The following KCTD9 variants were observed in gnomAD, a reference collection of about 807,000 sequenced individuals.
KCTD9 encodes the protein BTB/POZ domain-containing protein KCTD9.
In KCTD9, 17 loss-of-function variants were observed where a neutral mutation model predicts 53.3. The ratio of observed to expected loss-of-function variants is 0.32; its 90% CI spans 0.22 to 0.48. The LOEUF is 0.48. Among genes scored for constraint, KCTD9 ranks in the 20% least tolerant of loss-of-function variants. The pLI is 0.99. For synonymous variants in KCTD9, 128 were observed against 162.7 expected, an observed-to-expected ratio of 0.79 and a Z score of 1.62; for missense variants, 179 against 465.5, an observed-to-expected ratio of 0.38 and a Z score of 5.66.
intron 6 of KCTD9, among the ~76,000 whole-genome samples, chr8:25,437,926 T>C (rs1802050179): frequency 6.6e-6 from 1 of 151,308 alleles, no homozygotes; most frequent in Non-Finnish European, 1.5e-5. Context: ...TTTTTGGTGT[T>C]AGTGAAATTA....
chr8:25,433,628 ATTTT>A (rs1007757590), intron 9 of KCTD9, among the ~76,000 whole-genome samples, 193 bp from the exon 10 acceptor site: 27 of 152,288 alleles, frequency 1.8e-4, no homozygotes, highest in African/African-American at 6.3e-4. Context: ...TGAAAGAAAA[ATTTT>A]TTTAAAGAAC....
At chr8:25,438,347 T>C (rs755467588) in intron 6 of KCTD9, among the ~76,000 whole-genome samples, 76 of 150,750 alleles carry the variant, frequency 5.0e-4, no homozygotes, top group Non-Finnish European at 6.9e-4. Context: ...CAAGGGAATA[T>C]AAAGTTTGTT....
chr8:25,445,336 T>C (rs1802196449), intron 2 of KCTD9, among the ~76,000 whole-genome samples: 1 of 152,162 alleles, frequency 6.6e-6, no homozygotes, highest in South Asian at 2.1e-4. Context: ...TAGAACTGAT[T>C]AACTGCAAAG....
chr8:25,438,897 C>T (rs1341178290), intron 6 of KCTD9, among the ~76,000 whole-genome samples: 1 of 152,206 alleles, frequency 6.6e-6, no homozygotes, highest in Non-Finnish European at 1.5e-5. Context: ...CTCTAGTTCT[C>T]ACATAATGTG....
At chr8:25,452,545 C>T (rs532704794) in intron 1 of KCTD9, among the ~76,000 whole-genome samples, 4 of 152,308 alleles carry the variant, frequency 2.6e-5, no homozygotes, top group African/African-American at 9.6e-5. Flanking sequence ...CCACCCCAGA[C>T]CTACTGAATA....
Position 25,429,784 on chromosome 8 carries a change from G to A in KCTD9, c.*73C>T. On this transcript the variant is annotated 3_prime_UTR_variant, in exon 12 of 12. Coordinates refer to ENST00000221200, the MANE Select transcript of KCTD9 (RefSeq NM_017634.4). The stretch of plus-strand genomic sequence containing the variant: ...ACAGTGTTATTTCTTCTAGACAACT[G>A]AGTGGGTGGAGAAAGAAAAGTGATA... The A allele has an allele frequency of 1.3e-6, 1 of 775,064 alleles. No individual in the cohort carries two copies. The highest frequency in any genetic ancestry group is 2.3e-6 in the Non-Finnish European group (1 of 430,276). 48.0% of individuals were successfully genotyped at this position (775,064 alleles called of 1,614,324 possible).
At chr8:25,458,141 G>C (rs1802510052) in intron 1 of KCTD9, 58 bp downstream of exon 1, 2 of 1,476,874 alleles carry the variant, frequency 1.4e-6, no homozygotes, top group East Asian at 4.8e-5. Flanking sequence ...AGCCGGTTCC[G>C]CACCGTCCGC....
chr8:25,457,357 T>C (rs930384557), intron 1 of KCTD9: 10 of 985,030 alleles, frequency 1.0e-5, no homozygotes, highest in Non-Finnish European at 1.1e-5. Flanking sequence ...GCAATAAATG[T>C]CTGCCTCGAA....
chr8:25,449,317 C>G (rs1332617117), intron 1 of KCTD9, among the ~76,000 whole-genome samples: 2 of 152,180 alleles, frequency 1.3e-5, no homozygotes, highest in African/African-American at 4.8e-5. Context: ...TTACCTCTGG[C>G]TCTTACATCT....
rs1801960697 is a variant in KCTD9 at position 25,433,223 on chromosome 8, T to C, written c.919+107A>G. The C allele has an allele frequency of 9.7e-6, 5 of 513,234 alleles. No individual in the cohort carries two copies. The South Asian group carries it at 1.7e-4, about 18-fold the overall frequency. 31.8% of individuals were successfully genotyped at this position (513,234 alleles called of 1,614,324 possible). On this transcript the variant is annotated intron_variant, in intron 10 of 11. Coordinates refer to ENST00000221200, the MANE Select transcript of KCTD9 (RefSeq NM_017634.4). ...TCCAAATATGATGACAGAAGAAACCTATCCCCTACAGCTATCCTGTTTCAC... is the reference window on the plus strand; with the variant it reads ...TCCAAATATGATGACAGAAGAAACCCATCCCCTACAGCTATCCTGTTTCAC...
At chr8:25,440,063 T>TG (rs1297652891) in intron 4 of KCTD9, among the ~76,000 whole-genome samples, 3 of 150,320 alleles carry the variant, frequency 2.0e-5, no homozygotes, top group East Asian at 3.9e-4. Flanking sequence ...AAGCATGTTT[T>TG]TTTTTTTTTT....
chr8:25,440,306 C>T (rs1802096790), intron 4 of KCTD9, among the ~76,000 whole-genome samples: 1 of 151,994 alleles, frequency 6.6e-6, no homozygotes, highest in African/African-American at 2.4e-5. Context: ...GATCCGCCCG[C>T]CTCGGCCTCC....
chr8:25,445,927 T>A (rs73220072), intron 2 of KCTD9, among the ~76,000 whole-genome samples: 14,563 of 151,894 alleles, frequency 0.096, 717 homozygotes, highest in African/African-American at 0.11. Context: ...AGACTATCAG[T>A]ATACTGAAAT....
chr8:25,457,418 G>A lies in KCTD9; in HGVS notation c.48+781C>T, dbSNP rs973839346. 26 of 975,820 alleles carry A rather than the reference G, an allele frequency of 2.7e-5. No homozygotes were observed. In the African/African-American group the frequency reaches 4.2e-4, roughly 16 times the overall value. The allele number at this position is 975,820 out of a possible 1,614,324, so 60.4% of individuals were successfully genotyped here. On this transcript the variant is annotated intron_variant, in intron 1 of 11. Transcript: ENST00000221200. ...AACAACTTTCATGGGTGGGGCAAAA[G>A]GCTGGGAAGGAAGAGAATTCGTTTT...
In KCTD9 at chr8:25,439,532, A is replaced by C; in HGVS notation, c.370+74T>G. On this transcript the variant is annotated intron_variant, in intron 5 of 11. Transcript: ENST00000221200. Reference sequence around the variant, plus strand: ...AACTGACATAATTAGTAAGTACAGAAGGTCAGGAGTTATAAAGTCAGCACA... The same window carrying C: ...AACTGACATAATTAGTAAGTACAGACGGTCAGGAGTTATAAAGTCAGCACA... 1.9e-6 allele frequency: 3 copies of C among 1,581,212 alleles called. No individual in the cohort carries two copies. In the South Asian group the frequency reaches 3.4e-5, roughly 18 times the overall value.
intron 11 of KCTD9, 103 bp from the exon 12 acceptor site, chr8:25,430,076 T>C (rs1043487048): frequency 2.7e-6 from 2 of 735,150 alleles, no homozygotes; most frequent in Admixed American, 2.0e-5. Context: ...AATGTTCTTA[T>C]ACAATAAAAC....
intron 1 of KCTD9, among the ~76,000 whole-genome samples, chr8:25,449,308 T>TA (rs1452947224): frequency 1.3e-5 from 2 of 152,220 alleles, no homozygotes; most frequent in East Asian, 3.9e-4. Context: ...CCCTCTTATT[T>TA]ACCTCTGGCT....
At position 25,439,383 on chromosome 8, in the gene KCTD9, T is replaced by C. The variant is rs766305809; in HGVS notation, c.395A>G (p.His132Arg). The C allele has an allele frequency of 4.3e-6, 7 of 1,612,354 alleles. No homozygotes were observed. The highest frequency in any genetic ancestry group is 8.5e-7 in the Non-Finnish European group (1 of 1,179,434). The change falls in exon 6 of 12, where the codon CAT becomes CGT. Residue 132 changes from histidine (H) to arginine (R), a missense_variant. Physicochemically the swap from His to Arg is conservative, Grantham distance 29 (BLOSUM62 0). Transcript: ENST00000221200. ...TCGGTCAATTAAGAAAGCTCCTCTA[T>C]GATCTTGCTTATTTCCCCAGACACC... ...DKGVWGNKQDHRGAFLIDRSP... is the reference protein window; with the variant it reads ...DKGVWGNKQDRRGAFLIDRSP...
At chr8:25,453,646 T>C (rs1802375704) in intron 1 of KCTD9, among the ~76,000 whole-genome samples, 2 of 141,116 alleles carry the variant, frequency 1.4e-5, no homozygotes, top group Non-Finnish European at 3.0e-5. Context: ...AGAGTGAGAC[T>C]CCGACTCAAA....
Sources: gnomAD v4.1 joint callset for allele counts (sites outside exome capture counted in the v4.1 genomes callset) on GRCh38, gnomAD v4.1.1 for gene constraint, MANE v1.5 for transcripts, NCBI Gene and HGNC (gene_info 2026-07-23, HGNC 2026-07-21) for gene names.